The following PLXNA4 variants were observed in gnomAD, a reference collection of about 807,000 sequenced individuals.
PLXNA4 encodes the protein plexin A4.
A neutral mutation model predicts 191.8 loss-of-function variants in PLXNA4; 44 were observed. That is an observed-to-expected ratio of 0.23 (90% CI 0.18 to 0.29). The LOEUF is 0.29. PLXNA4 is among the 10% of genes least tolerant of loss of function. The pLI, the probability that PLXNA4 is intolerant of heterozygous loss-of-function variation, is 1.00. For missense variants in PLXNA4, 1,800 were observed against 2,488.8 expected, an observed-to-expected ratio of 0.72 and a Z score of 5.89; for synonymous variants, 1,082 against 1,009.5, an observed-to-expected ratio of 1.07 and a Z score of -1.36.
chr7:132,489,542 G>A, intron 2 of PLXNA4, 68 bp from the exon 3 acceptor site: 1 of 1,313,084 alleles, frequency 7.6e-7, no homozygotes, highest in Non-Finnish European at 1.0e-6. Flanking sequence ...ATTAAGTCAG[G>A]AAACTATGGA....
intron 3 of PLXNA4, among the ~76,000 whole-genome samples, chr7:132,445,539 T>G (rs1482837959): frequency 6.6e-6 from 1 of 151,856 alleles, no homozygotes; most frequent in Non-Finnish European, 1.5e-5. Context: ...GAACCAGAAT[T>G]TATTGCATCT....
At chr7:132,144,983 G>A in intron 29 of PLXNA4, 136 bp downstream of exon 29, 1 of 1,271,434 alleles carries the variant, frequency 7.9e-7, no homozygotes, top group Non-Finnish European at 1.1e-6. Context: ...CAGAGAATGT[G>A]CCTGCTCAGA....
chr7:132,333,615 C>T (rs1179658092), intron 3 of PLXNA4, among the ~76,000 whole-genome samples: 1 of 152,160 alleles, frequency 6.6e-6, no homozygotes, highest in Non-Finnish European at 1.5e-5. Flanking sequence ...GGGGTGCAAT[C>T]CAGGAGGTGT....
In PLXNA4 at chr7:132,437,423, C is replaced by A. The variant is rs181386321; in HGVS notation, c.1371+51869G>T. On this transcript the variant is annotated intron_variant, in intron 3 of 31. Transcript: ENST00000321063. ...GTGTGTGCATGTTTGCATGCAAGCACGTGCACAGACACACACATTCTTACA... is the reference window on the plus strand; with the variant it reads ...GTGTGTGCATGTTTGCATGCAAGCAAGTGCACAGACACACACATTCTTACA... Among the ~76,000 whole-genome samples the A allele has an allele frequency of 2.0e-5, 3 of 152,108 alleles. No individual in the cohort carries two copies. In the South Asian group the frequency reaches 6.2e-4, roughly 32 times the overall value.
intron 3 of PLXNA4, among the ~76,000 whole-genome samples, chr7:132,327,173 A>AAAAAAAAAAAG (rs373719875): frequency 0.014 from 1,920 of 133,942 alleles, 44 homozygotes; most frequent in African/African-American, 0.049. Flanking sequence ...GGAAGGCAAA[A>AAAAAAAAAAAG]AAAAAAGAAA....
chr7:132,469,059 C>G (rs547108670), intron 3 of PLXNA4, among the ~76,000 whole-genome samples: 1 of 145,312 alleles, frequency 6.9e-6, no homozygotes, highest in Non-Finnish European at 1.5e-5. Context: ...CTCAGACTAA[C>G]CCCTACAGAG....
intron 4 of PLXNA4, among the ~76,000 whole-genome samples, chr7:132,283,829 A>G (rs931681252): frequency 4.6e-5 from 7 of 152,232 alleles, no homozygotes; most frequent in Non-Finnish European, 8.8e-5. Context: ...AGAGATTCAT[A>G]ATACCCATTA....
At chr7:132,588,548 G>A (rs1320038020) in intron 2 of PLXNA4, among the ~76,000 whole-genome samples, 1 of 151,010 alleles carries the variant, frequency 6.6e-6, no homozygotes, top group Non-Finnish European at 1.5e-5. Context: ...ATATCTTTCA[G>A]GCATGATCAT....
At chr7:132,235,554 C>T (rs1249057107) in intron 5 of PLXNA4, among the ~76,000 whole-genome samples, 29 of 152,162 alleles carry the variant, frequency 1.9e-4, no homozygotes, top group Admixed American at 1.9e-3. Context: ...GAGGCAGGGT[C>T]GTGAGGGGGT....
chr7:132,382,853 G>A (rs1174422859), intron 3 of PLXNA4, among the ~76,000 whole-genome samples: 1 of 152,110 alleles, frequency 6.6e-6, no homozygotes, highest in Non-Finnish European at 1.5e-5. Flanking sequence ...GGGTGTGCAT[G>A]TGTATATTTA....
chr7:132,395,841 A>G (rs1031642870), intron 3 of PLXNA4, among the ~76,000 whole-genome samples: 8 of 152,234 alleles, frequency 5.3e-5, no homozygotes, highest in Non-Finnish European at 1.5e-5. Context: ...TAGCAGCCTG[A>G]TTCCAAATTA....
chr7:132,610,483 C>A (rs1236407197), intron 2 of PLXNA4, among the ~76,000 whole-genome samples: 7 of 152,154 alleles, frequency 4.6e-5, no homozygotes, highest in Admixed American at 6.5e-5. Context: ...TCTTCCTAGT[C>A]CCCCCATCCC....
At chr7:132,614,859 A>T (rs1437565154) in intron 2 of PLXNA4, among the ~76,000 whole-genome samples, 1 of 152,208 alleles carries the variant, frequency 6.6e-6, no homozygotes, top group Non-Finnish European at 1.5e-5. Flanking sequence ...GAGGAAGCAG[A>T]TGTGCAGAGA....
intron 3 of PLXNA4, among the ~76,000 whole-genome samples, chr7:132,453,089 G>A (rs1286338706): frequency 6.6e-6 from 1 of 152,176 alleles, no homozygotes; most frequent in African/African-American, 2.4e-5. Flanking sequence ...GCCCCAAAAT[G>A]ACAAGAGAAG....
At chr7:132,602,020 C>T (rs935014205) in intron 2 of PLXNA4, among the ~76,000 whole-genome samples, 9 of 152,078 alleles carry the variant, frequency 5.9e-5, no homozygotes, top group African/African-American at 2.2e-4. Context: ...AGGCCCAGTC[C>T]CAAAGGTTTT....
intron 4 of PLXNA4, among the ~76,000 whole-genome samples, chr7:132,277,219 G>C (rs868780361): frequency 6.6e-6 from 1 of 152,154 alleles, no homozygotes; most frequent in African/African-American, 2.4e-5. Flanking sequence ...TGGCTTAAGT[G>C]GGGGAAGCTG....
At chr7:132,191,880 T>C (rs1356108540) in intron 14 of PLXNA4, among the ~76,000 whole-genome samples, 2 of 151,946 alleles carry the variant, frequency 1.3e-5, no homozygotes, top group Admixed American at 1.3e-4. Flanking sequence ...TATACAAATA[T>C]ATATACATTT....
At chr7:132,255,805 C>T (rs1298360243) in intron 4 of PLXNA4, among the ~76,000 whole-genome samples, 10 of 152,210 alleles carry the variant, frequency 6.6e-5, no homozygotes, top group African/African-American at 2.2e-4. Context: ...TTCAGCTATT[C>T]TGAGAGCTTT....
rs768862717 is a variant in PLXNA4, at chr7:132,507,854, G to A, written c.840C>T (p.Leu280=). ...CTGTGTCCTCCTTGCAAAGCCTCACGAGCTTGGATGTATACACCTGCTCCT... is the reference window on the plus strand; with the variant it reads ...CTGTGTCCTCCTTGCAAAGCCTCACAAGCTTGGATGTATACACCTGCTCCT... ...TTKEQVYTSK[L]VRLCKEDTAF... Residue 280 remains leucine (L), a synonymous_variant, in exon 2 of 32, where the codon CTC becomes CTT. Coordinates refer to ENST00000321063, the MANE Select transcript of PLXNA4 (RefSeq NM_020911.2). 27 of 1,614,040 alleles carry A rather than the reference G, an allele frequency of 1.7e-5. No individual in the cohort carries two copies. The highest frequency in any genetic ancestry group is 4.0e-5 in the African/African-American group (3 of 74,934).
Sources: allele counts gnomAD v4.1 joint callset (sites outside exome capture counted in the v4.1 genomes callset), GRCh38; gene constraint gnomAD v4.1.1; transcripts MANE v1.5; gene names NCBI Gene and HGNC (gene_info 2026-07-23, HGNC 2026-07-21).